FRMD4A: variants seen among roughly 807,000 people sequenced by gnomAD.
FRMD4A encodes FERM domain containing 4A.
FRMD4A carries 29 observed loss-of-function variants against 129.1 expected under a neutral mutation model. The observed-to-expected ratio is 0.22, with a 90% confidence interval of 0.17 to 0.31. FRMD4A has a LOEUF of 0.31. Ranked by LOEUF, FRMD4A falls within the 10% of genes least tolerant of loss-of-function variation. FRMD4A has a pLI of 1.00. For synonymous variants in FRMD4A, 634 were observed against 571.6 expected (o/e 1.11, Z -1.56); for missense variants, 1,272 against 1,375.8 (o/e 0.92, Z 1.19).
At chr10:13,776,494 T>C (rs1011943382) in intron 6 of FRMD4A, among the ~76,000 whole-genome samples, 8 of 152,186 alleles carry the variant, frequency 5.3e-5, no homozygotes, top group Admixed American at 2.6e-4. Context: ...TATTTATCTA[T>C]ATGGAGGCAA....
At chr10:14,067,890 C>G (rs912139548) in intron 2 of FRMD4A, among the ~76,000 whole-genome samples, 1 of 152,112 alleles carries the variant, frequency 6.6e-6, no homozygotes, top group Non-Finnish European at 1.5e-5. Context: ...TATACACAAA[C>G]AGAGTCATTT....
Position 14,121,233 on chromosome 10 carries a change from T to A in FRMD4A, c.45+208825A>T, listed in dbSNP as rs139322121. ...ACATACAAAAGTTAGCCGGGCATGG[T>A]GGCGTGCACCTGTAGTCCCAGCTAC... is the stretch of plus-strand genomic sequence containing the variant. On this transcript the variant is annotated intron_variant, in intron 2 of 24. Transcript: ENST00000357447. 3.9e-3 allele frequency among the ~76,000 whole-genome samples: 597 copies of A among 152,282 alleles called. 1 individual carries two copies. The highest frequency in any genetic ancestry group is 0.014 in the African/African-American group (568 of 41,546).
chr10:13,790,447 G>A (rs1312691786), intron 5 of FRMD4A, among the ~76,000 whole-genome samples: 1 of 152,180 alleles, frequency 6.6e-6, no homozygotes, highest in Non-Finnish European at 1.5e-5. Context: ...AGGGGAAGGT[G>A]CAGGGAGAGA....
chr10:13,936,943 T>C (rs754915929), intron 2 of FRMD4A, among the ~76,000 whole-genome samples: 8 of 152,244 alleles, frequency 5.3e-5, no homozygotes, highest in Non-Finnish European at 1.0e-4. Context: ...TGACATTTCT[T>C]TCTGTTGCTT....
Position 13,707,946 on chromosome 10 carries a change from C to G in FRMD4A, c.760-833G>C, listed in dbSNP as rs1299839413. ...GTAATTAGGGCTGCATCCAATTGCT[C>G]CAGGAACGGGGTTCCTTTCATTGGA... On this transcript the variant is annotated intron_variant, in intron 12 of 24. Transcript: ENST00000357447. 4 of 949,914 alleles carry G rather than the reference C, an allele frequency of 4.2e-6. No individual in the cohort carries two copies. The East Asian group carries it at 3.5e-4, about 82-fold the overall frequency. 58.8% of individuals were successfully genotyped at this position (949,914 alleles called of 1,614,324 possible).
intron 2 of FRMD4A, among the ~76,000 whole-genome samples, chr10:13,869,966 TAC>T (rs1425108680): frequency 1.1e-4 from 16 of 152,234 alleles, no homozygotes; most frequent in Admixed American, 1.0e-3. Context: ...TCTGAAGAGC[TAC>T]AGAGCCTTAA....
At chr10:13,736,442 C>T (rs2135038316) in intron 12 of FRMD4A, among the ~76,000 whole-genome samples, 1 of 152,334 alleles carries the variant, frequency 6.6e-6, no homozygotes, top group Admixed American at 6.5e-5. Context: ...CTCCCTCCAC[C>T]CGCCAAAGAG....
chr10:14,212,645 G>A (rs1233626086), intron 2 of FRMD4A, among the ~76,000 whole-genome samples: 1 of 152,212 alleles, frequency 6.6e-6, no homozygotes, highest in Non-Finnish European at 1.5e-5. Context: ...GAGGATGACT[G>A]ATACTTGTTG....
intron 15 of FRMD4A, chr10:13,692,409 A>G (rs941484762): frequency 3.9e-5 from 6 of 152,170 alleles, no homozygotes; most frequent in South Asian, 2.1e-4. Flanking sequence ...TGGCCTCCCA[A>G]AGTGCTGAGA....
intron 3 of FRMD4A, among the ~76,000 whole-genome samples, chr10:13,819,823 G>A (rs1315274898): frequency 6.6e-6 from 1 of 151,512 alleles, no homozygotes; most frequent in East Asian, 1.9e-4. Context: ...CCAGGTTCAA[G>A]CAATTCTCAT....
chr10:14,044,669 G>A lies in FRMD4A; in HGVS notation c.46-185757C>T, dbSNP rs78679348. On this transcript the variant is annotated intron_variant, in intron 2 of 24. Transcript: ENST00000357447. Reference sequence around the variant, plus strand: ...GAGCCTTCAGAGGCAGTGGGGCTCTGCTGAGGCCTCAATTTCATACTTCTA... The same window carrying A: ...GAGCCTTCAGAGGCAGTGGGGCTCTACTGAGGCCTCAATTTCATACTTCTA... Among the ~76,000 whole-genome samples, 1,136 of 152,332 alleles carry A rather than the reference G, an allele frequency of 7.5e-3. 24 individuals are homozygous for A. The highest frequency in any genetic ancestry group is 0.026 in the African/African-American group (1,081 of 41,574).
rs561971635 is a variant in FRMD4A at position 13,645,510 on chromosome 10, T to C, written c.*1528A>G. The stretch of plus-strand genomic sequence containing the variant: ...CCTTTGAAGATTGATGGCTTTCCAG[T>C]TGTGTTTGAAGCATAGCTCAAAACA... On this transcript the variant is annotated 3_prime_UTR_variant, in exon 25 of 25. Transcript: ENST00000357447. 1 of 152,798 alleles carries C rather than the reference T, an allele frequency of 6.5e-6. No homozygotes were observed. The highest frequency in any genetic ancestry group is 2.4e-5 in the African/African-American group (1 of 41,582). The allele number at this position is 152,798 out of a possible 1,614,324, so 9.5% of individuals were successfully genotyped here.
At chr10:13,947,465 A>G (rs1364419156) in intron 2 of FRMD4A, among the ~76,000 whole-genome samples, 1 of 152,088 alleles carries the variant, frequency 6.6e-6, no homozygotes, top group African/African-American at 2.4e-5. Context: ...CTGTGGTAAG[A>G]TGGAGTGGAG....
At chr10:14,177,521 T>A (rs1014587648) in intron 2 of FRMD4A, among the ~76,000 whole-genome samples, 1 of 152,144 alleles carries the variant, frequency 6.6e-6, no homozygotes. Context: ...TTAAAAAAAA[T>A]ATATCTCTGG....
intron 15 of FRMD4A, among the ~76,000 whole-genome samples, chr10:13,686,737 T>G (rs1380573891): frequency 6.6e-6 from 1 of 152,114 alleles, no homozygotes; most frequent in Non-Finnish European, 1.5e-5. Context: ...AAATTCCTAC[T>G]TGAAAACACA....
chr10:13,724,232 C>A (rs2089706367), intron 12 of FRMD4A, among the ~76,000 whole-genome samples: 1 of 151,784 alleles, frequency 6.6e-6, no homozygotes, highest in Admixed American at 6.6e-5. Flanking sequence ...ACTAAAAATA[C>A]AAAACATTAG....
intron 2 of FRMD4A, among the ~76,000 whole-genome samples, chr10:14,102,594 A>C (rs1355345899): frequency 6.6e-6 from 1 of 152,214 alleles, no homozygotes; most frequent in Non-Finnish European, 1.5e-5. Flanking sequence ...TCACAACCCA[A>C]AGTTTGAAAC....
chr10:14,303,363 A>G (rs1285172997), intron 2 of FRMD4A, among the ~76,000 whole-genome samples: 2 of 152,190 alleles, frequency 1.3e-5, no homozygotes, highest in Non-Finnish European at 2.9e-5. Flanking sequence ...ATTTCCCACA[A>G]GCTCCCTGGT....
chr10:14,204,455 T>A (rs1019997111), intron 2 of FRMD4A, among the ~76,000 whole-genome samples: 3 of 152,072 alleles, frequency 2.0e-5, no homozygotes, highest in Non-Finnish European at 2.9e-5. Flanking sequence ...CATCCATAAC[T>A]AATTATTAAT....
Sources: allele counts gnomAD v4.1 joint callset (sites outside exome capture counted in the v4.1 genomes callset), GRCh38; gene constraint gnomAD v4.1.1; transcripts MANE v1.5; gene names NCBI Gene and HGNC (gene_info 2026-07-23, HGNC 2026-07-21).